Variants in SLC22A3 observed in about 807,000 individuals in gnomAD.
SLC22A3 encodes EMT organic cation transporter 3.
Under a neutral mutation model 59.1 loss-of-function variants are expected in SLC22A3, and 51 were observed. The ratio of observed to expected loss-of-function variants is 0.86; its 90% CI spans 0.69 to 1.09. The LOEUF is 1.09. Among genes scored for constraint, SLC22A3 ranks in the 50% least tolerant of loss-of-function variants. The pLI is 0.00. For synonymous variants in SLC22A3, 325 were observed against 292.0 expected, an observed-to-expected ratio of 1.11 and a Z score of -1.15; for missense variants, 711 against 726.3, an observed-to-expected ratio of 0.98 and a Z score of 0.24.
chr6:160,410,004 A>G (rs1315368900), intron 4 of SLC22A3, among the ~76,000 whole-genome samples: 2 of 152,208 alleles, frequency 1.3e-5, no homozygotes, highest in East Asian at 3.8e-4. Flanking sequence ...AAAGCAACAG[A>G]AAAGCATTTG....
intron 1 of SLC22A3, among the ~76,000 whole-genome samples, chr6:160,373,526 T>A (rs1785476356): frequency 1.3e-5 from 2 of 152,128 alleles, no homozygotes; most frequent in South Asian, 4.1e-4. Flanking sequence ...TTAGCAGAAC[T>A]TGAGTGCTGT....
chr6:160,349,106 T>A, intron 1 of SLC22A3: 1 of 981,552 alleles, frequency 1.0e-6, no homozygotes, highest in African/African-American at 1.7e-5. Context: ...ACAAAAACTT[T>A]CTTCGAAGCC....
chr6:160,385,605 C>T (rs1295328812), intron 1 of SLC22A3, among the ~76,000 whole-genome samples: 1 of 152,220 alleles, frequency 6.6e-6, no homozygotes, highest in Non-Finnish European at 1.5e-5. Flanking sequence ...CTCGGCCCTA[C>T]TGTGCGCAGC....
rs1285300704 is a variant in SLC22A3 at position 160,415,517 on chromosome 6, C to A, written c.975+4671C>A. 1.3e-5 allele frequency among the ~76,000 whole-genome samples: 2 copies of A among 152,224 alleles called. No homozygotes were observed. The highest frequency in any genetic ancestry group is 4.8e-5 in the African/African-American group (2 of 41,472). ...TTCACATTAACCCACATCCCTCTCT[C>A]TGGATACAGTTTCCAGGATGTTCAG... On this transcript the variant is annotated intron_variant, in intron 5 of 10. Coordinates refer to ENST00000275300, the MANE Select transcript of SLC22A3 (RefSeq NM_021977.4). The surrounding 1 kb of genome is among the most constrained non-coding windows in gnomAD (Gnocchi z 4.1).
intron 1 of SLC22A3, among the ~76,000 whole-genome samples, chr6:160,364,225 T>G (rs1395330929): frequency 1.3e-5 from 2 of 152,192 alleles, no homozygotes; most frequent in African/African-American, 2.4e-5. Flanking sequence ...ACTGTATGAT[T>G]TCAACCATAT....
chr6:160,348,576 G>A lies in SLC22A3; in HGVS notation c.157G>A (p.Gly53Arg), dbSNP rs1784549531. ...GTQPDHYWCR[G>R]PSAAALAERC... ...GCAGCCCGACCACTACTGGTGCCGC[G>A]GGCCAAGTGCCGCGGCGCTGGCCGA... The change falls in exon 1 of 11, where the codon GGG becomes AGG. Residue 53 changes from glycine (G) to arginine (R), a missense_variant. Coordinates refer to ENST00000275300, the MANE Select transcript of SLC22A3 (RefSeq NM_021977.4). 8 of 1,535,370 alleles carry A rather than the reference G, an allele frequency of 5.2e-6. No individual in the cohort carries two copies. The highest frequency in any genetic ancestry group is 1.4e-5 in the African/African-American group (1 of 70,220).
chr6:160,374,040 A>G (rs565309449), intron 1 of SLC22A3, among the ~76,000 whole-genome samples: 1 of 152,296 alleles, frequency 6.6e-6, no homozygotes, highest in East Asian at 1.9e-4. Context: ...TGGAATTTGA[A>G]GCACCACTGG....
intron 1 of SLC22A3, among the ~76,000 whole-genome samples, chr6:160,357,399 C>T (rs183114774): frequency 1.3e-4 from 20 of 152,260 alleles, no homozygotes; most frequent in Non-Finnish European, 2.5e-4. Flanking sequence ...CTTCTGCCAA[C>T]GGGAAGCTTT....
chr6:160,366,397 C>G (rs577643627), intron 1 of SLC22A3, among the ~76,000 whole-genome samples: 1 of 152,324 alleles, frequency 6.6e-6, no homozygotes, highest in Non-Finnish European at 1.5e-5. Flanking sequence ...AAGAGATGGG[C>G]TCCCACAGCC....
chr6:160,348,654 C>G lies in SLC22A3; in HGVS notation c.235C>G (p.Arg79Gly). ...EEWNRTAPAS[R>G]GPEPPERRGR... ...GTGGAACCGCACGGCGCCCGCCTCC[C>G]GCGGCCCAGAGCCCCCCGAGCGCCG... is the stretch of plus-strand genomic sequence containing the variant. Residue 79 changes from arginine (R) to glycine (G), a missense_variant, in exon 1 of 11, where the codon CGC becomes GGC. By Grantham distance (125) the Arg-to-Gly change is moderately radical. Coordinates refer to ENST00000275300, the MANE Select transcript of SLC22A3 (RefSeq NM_021977.4). The G allele has an allele frequency of 6.7e-7, 1 of 1,503,406 alleles. No individual in the cohort carries two copies. The highest frequency in any genetic ancestry group is 1.2e-5 in the South Asian group (1 of 80,822). The allele number at this position is 1,503,406 out of a possible 1,614,324, so 93.1% of individuals were successfully genotyped here. A position where few individuals can be genotyped will look rare whatever the true frequency, so the allele number is the denominator to read the frequency against.
At chr6:160,362,669 T>A (rs1257810027) in intron 1 of SLC22A3, among the ~76,000 whole-genome samples, 1 of 151,862 alleles carries the variant, frequency 6.6e-6, no homozygotes, top group Admixed American at 6.6e-5. Context: ...CCCCAGCGGG[T>A]GGGGGCGGGC....
At chr6:160,413,580 T>C (rs1319103937) in intron 5 of SLC22A3, among the ~76,000 whole-genome samples, 1 of 152,116 alleles carries the variant, frequency 6.6e-6, no homozygotes, top group African/African-American at 2.4e-5. Flanking sequence ...TAGGAACACA[T>C]AGGTATCTCT....
chr6:160,383,960 C>T (rs1319589412), intron 1 of SLC22A3, among the ~76,000 whole-genome samples: 2 of 152,090 alleles, frequency 1.3e-5, no homozygotes, highest in Admixed American at 6.5e-5. Flanking sequence ...GATGGAGTCT[C>T]ACTCTGTCAC....
intron 1 of SLC22A3, among the ~76,000 whole-genome samples, chr6:160,373,112 TG>T (rs1179695805): frequency 2.6e-5 from 4 of 152,252 alleles, no homozygotes; most frequent in African/African-American, 7.2e-5. Flanking sequence ...TTAGCATTTT[TG>T]CCCTGGTTTT....
At chr6:160,410,958 A>T (rs934265135) in intron 5 of SLC22A3, 112 bp downstream of exon 5, 1 of 517,302 alleles carries the variant, frequency 1.9e-6, no homozygotes, top group Non-Finnish European at 3.6e-6. Context: ...TATGCATATT[A>T]TATATATATA....
chr6:160,446,801 C>T (rs1369102341), intron 9 of SLC22A3, among the ~76,000 whole-genome samples: 1 of 152,154 alleles, frequency 6.6e-6, no homozygotes, highest in Non-Finnish European at 1.5e-5. Flanking sequence ...CTCATCAGTC[C>T]CTAATTCAGC....
At chr6:160,406,789 T>G (rs1313902414) in intron 2 of SLC22A3, among the ~76,000 whole-genome samples, 1 of 152,178 alleles carries the variant, frequency 6.6e-6, no homozygotes, top group African/African-American at 2.4e-5. Flanking sequence ...GGAGACTCTG[T>G]GTGAAACAAT....
rs767252344 is a variant in SLC22A3 at position 160,369,575 on chromosome 6, C to T, written c.429+20727C>T. 1.1e-4 allele frequency among the ~76,000 whole-genome samples: 17 copies of T among 152,224 alleles called. No homozygotes were observed. The South Asian group carries it at 2.1e-3, about 19-fold the overall frequency. ...TTTAGCATTAGCACTTGTAAATTTA[C>T]TGGAAGTTTCAACAATTTGTATTTC... On this transcript the variant is annotated intron_variant, in intron 1 of 10. Coordinates refer to ENST00000275300, the MANE Select transcript of SLC22A3 (RefSeq NM_021977.4).
rs147224104 is a variant in SLC22A3 at position 160,419,493 on chromosome 6, C to T, written c.975+8647C>T. Among the ~76,000 whole-genome samples, 15 of 152,218 alleles carry T rather than the reference C, an allele frequency of 9.9e-5. No individual in the cohort carries two copies. In the South Asian group the frequency reaches 2.3e-3, roughly 23 times the overall value. On this transcript the variant is annotated intron_variant, in intron 5 of 10. Transcript: ENST00000275300. The stretch of plus-strand genomic sequence containing the variant: ...AGACTTCAGATTTGAAATCTCTCTT[C>T]GGGGAATTCATTTCAAAAGATCCAG...
Sources: allele counts gnomAD v4.1 joint callset (sites outside exome capture counted in the v4.1 genomes callset), GRCh38; gene constraint gnomAD v4.1.1; non-coding constraint Gnocchi (gnomAD v3.1); transcripts MANE v1.5; gene names NCBI Gene and HGNC (gene_info 2026-07-23, HGNC 2026-07-21).